Variants in ARRDC3 observed in about 807,000 individuals in gnomAD.
ARRDC3 encodes the protein arrestin domain-containing protein 3.
In ARRDC3, 10 loss-of-function variants were observed where a neutral mutation model predicts 47.2. The observed-to-expected ratio is 0.21, with a 90% CI of 0.13 to 0.36. ARRDC3 has a LOEUF of 0.36. Among genes scored for constraint, ARRDC3 ranks in the 10% least tolerant of loss-of-function variants. The pLI is 1.00. For synonymous variants in ARRDC3, 156 were observed against 178.3 expected (o/e 0.87, Z 1.00); for missense variants, 381 against 503.6 (o/e 0.76, Z 2.33).
chr5:91,376,727 C>T lies in ARRDC3; in HGVS notation c.404G>A (p.Arg135His), dbSNP rs377260429. ...GTGCAATTCGGCTTTCACCCAATAG[C>T]GCACACTGCCATGTCGGCCTTCGAA... ...TSFEGRHGSV[R>H]YWVKAELHRP... The change falls in exon 3 of 8, where the codon CGC (arginine) becomes CAC (histidine). Residue 135 changes from arginine to histidine, a missense_variant. Coordinates refer to ENST00000265138, the MANE Select transcript of ARRDC3 (RefSeq NM_020801.4). 1.5e-5 allele frequency: 25 copies of T among 1,613,804 alleles called. No individual in the cohort carries two copies. Among genetic ancestry groups the T allele is most frequent in the Non-Finnish European group, 2.0e-5 (24 of 1,179,916 alleles).
At chr5:91,379,137 TTGC>T in intron 1 of ARRDC3, among the ~76,000 whole-genome samples, 1 of 152,096 alleles carries the variant, frequency 6.6e-6, no homozygotes, top group African/African-American at 2.4e-5. Flanking sequence ...CTCCAACGGT[TTGC>T]TTAAATTTAT....
intron 1 of ARRDC3, chr5:91,380,872 A>T (rs1237463420): frequency 6.6e-6 from 1 of 152,288 alleles, no homozygotes; most frequent in Non-Finnish European, 1.5e-5. Context: ...AAGAGGGGCG[A>T]CAGAACATGA....
rs1180475056 is a variant in ARRDC3 at position 91,369,231 on chromosome 5, A to ATG, written c.*2168_*2169insCA. The stretch of plus-strand genomic sequence containing the variant: ...AAGTATTCCAATGCTATGCATATCA[A>ATG]CAATTGTTCCCTAGTCAGTTAGACG... On this transcript the variant is annotated 3_prime_UTR_variant, in exon 8 of 8. Coordinates refer to ENST00000265138, the MANE Select transcript of ARRDC3 (RefSeq NM_020801.4). The ATG allele has an allele frequency of 6.6e-6, 1 of 152,612 alleles. No individual in the cohort carries two copies. Among genetic ancestry groups the ATG allele is most frequent in the Admixed American group, 6.5e-5 (1 of 15,268 alleles). 9.5% of individuals were successfully genotyped at this position (152,612 alleles called of 1,614,324 possible).
intron 2 of ARRDC3, among the ~76,000 whole-genome samples, 176 bp downstream of exon 2, chr5:91,378,518 C>T (rs1049294625): frequency 1.3e-5 from 2 of 151,964 alleles, no homozygotes; most frequent in Non-Finnish European, 1.5e-5. Context: ...ATAATTTTGC[C>T]ACGCTAGATT....
intron 5 of ARRDC3, 133 bp from the exon 6 acceptor site, chr5:91,374,409 T>G: frequency 1.3e-6 from 1 of 745,048 alleles, no homozygotes; most frequent in Non-Finnish European, 2.2e-6. Flanking sequence ...GAAAAGTTTC[T>G]CTTTTATGTA....
intron 7 of ARRDC3, among the ~76,000 whole-genome samples, chr5:91,372,667 A>T (rs893509434): frequency 3.3e-5 from 5 of 152,220 alleles, no homozygotes; most frequent in African/African-American, 1.2e-4. Context: ...TGAATGAAGA[A>T]GATCTCATAT....
In ARRDC3 at chr5:91,378,721, T is replaced by G. The variant is rs1799365185; in HGVS notation, c.335A>C (p.Tyr112Ser). The G allele has an allele frequency of 6.2e-7, 1 of 1,600,080 alleles. No individual in the cohort carries two copies. The highest frequency in any genetic ancestry group is 2.2e-5 in the East Asian group (1 of 44,454). ...CTGTGGAAGCTCGAAGCTGAATGCA[T>G]ATTCATGCCTTCCTGAATGAATAGT... ...FHTIHSGRHE[Y>S]AFSFELPQTP... The change falls in exon 2 of 8, where the codon TAT becomes TCT. Residue 112 changes from tyrosine (Y) to serine (S), a missense_variant. Physicochemically the swap from Tyr to Ser is moderately radical, Grantham distance 144. Coordinates refer to ENST00000265138, the MANE Select transcript of ARRDC3 (RefSeq NM_020801.4).
intron 1 of ARRDC3, among the ~76,000 whole-genome samples, chr5:91,382,197 C>T (rs905475223): frequency 3.9e-5 from 6 of 152,100 alleles, no homozygotes; most frequent in Non-Finnish European, 5.9e-5. Flanking sequence ...GACAGATAGT[C>T]ATTCCTTTAA....
intron 2 of ARRDC3, 44 bp downstream of exon 2, chr5:91,378,650 G>T: frequency 9.3e-7 from 1 of 1,077,754 alleles, no homozygotes; most frequent in Non-Finnish European, 1.4e-6. Context: ...ATAATGCTCT[G>T]ATCATAAGTA....
intron 1 of ARRDC3, among the ~76,000 whole-genome samples, chr5:91,382,104 G>T (rs1799469927): frequency 6.6e-6 from 1 of 152,152 alleles, no homozygotes; most frequent in South Asian, 2.1e-4. Context: ...TTGAATGCAC[G>T]TTCCAAAGTT....
intron 1 of ARRDC3, among the ~76,000 whole-genome samples, chr5:91,381,248 C>T (rs1358325195): frequency 6.6e-6 from 1 of 152,138 alleles, no homozygotes; most frequent in African/African-American, 2.4e-5. Context: ...TTTTCTTTAC[C>T]ACGAAATCAT....
intron 2 of ARRDC3, among the ~76,000 whole-genome samples, chr5:91,378,396 G>A (rs1799354654): frequency 1.3e-5 from 2 of 151,980 alleles, no homozygotes; most frequent in African/African-American, 2.4e-5. Flanking sequence ...GTATAAAGTG[G>A]TTATTATTCG....
chr5:91,378,151 G>C (rs1799349287), intron 2 of ARRDC3, among the ~76,000 whole-genome samples: 1 of 151,644 alleles, frequency 6.6e-6, no homozygotes, highest in Non-Finnish European at 1.5e-5. Context: ...TTTAAGCCTG[G>C]GTCATATCTC....
rs1461875484 is a variant in ARRDC3, at chr5:91,370,030, T to C, written c.*1370A>G. On this transcript the variant is annotated 3_prime_UTR_variant, in exon 8 of 8. Transcript: ENST00000265138. ...AAAAGATTTATCGCAGCAAACGTTC[T>C]AGTATTTTAAATTTTGAAGTTACTT... 5 of 152,196 alleles carry C rather than the reference T, an allele frequency of 3.3e-5. No individual in the cohort carries two copies. The highest frequency in any genetic ancestry group is 7.4e-5 in the Non-Finnish European group (5 of 68,024). 9.4% of individuals were successfully genotyped at this position (152,196 alleles called of 1,614,324 possible).
intron 1 of ARRDC3, among the ~76,000 whole-genome samples, chr5:91,379,271 A>G (rs1313440214): frequency 1.4e-5 from 2 of 147,806 alleles, no homozygotes; most frequent in Non-Finnish European, 1.5e-5. Flanking sequence ...ACCACTAGAA[A>G]ACCTTGTCAA....
rs1049949622 is a variant in ARRDC3, at chr5:91,368,724, T to C, written c.*2676A>G. 6.6e-6 allele frequency: 1 copy of C among 152,396 alleles called. No individual in the cohort carries two copies. The highest frequency in any genetic ancestry group is 2.4e-5 in the African/African-American group (1 of 41,396). The allele number at this position is 152,396 out of a possible 1,614,324, so 9.4% of individuals were successfully genotyped here. ...AAGATTCAAATAAATCTCCAAACAATTATACAAAACAGAAAAAAACAAAAC... is the reference window on the plus strand; with the variant it reads ...AAGATTCAAATAAATCTCCAAACAACTATACAAAACAGAAAAAAACAAAAC... On this transcript the variant is annotated 3_prime_UTR_variant, in exon 8 of 8. Coordinates refer to ENST00000265138, the MANE Select transcript of ARRDC3 (RefSeq NM_020801.4).
rs1338037716 is a variant in ARRDC3, at chr5:91,368,856, G to C, written c.*2544C>G. On this transcript the variant is annotated 3_prime_UTR_variant, in exon 8 of 8. Transcript: ENST00000265138. ...GACATATTCAGCACCAAATAAAAAAGGAAAAAAAGAGAAATTACAAACAGC... is the reference window on the plus strand; with the variant it reads ...GACATATTCAGCACCAAATAAAAAACGAAAAAAAGAGAAATTACAAACAGC... 3 of 152,194 alleles carry C rather than the reference G, an allele frequency of 2.0e-5. No individual in the cohort carries two copies. Among genetic ancestry groups the C allele is most frequent in the South Asian group, 4.1e-4 (2 of 4,824 alleles). The allele number at this position is 152,194 out of a possible 1,614,324, so 9.4% of individuals were successfully genotyped here. A position where few individuals can be genotyped will look rare whatever the true frequency, so the allele number is the denominator to read the frequency against.
Position 91,374,214 on chromosome 5 carries a change from G to A in ARRDC3, c.933C>T (p.Thr311=), listed in dbSNP as rs1373071948. 6.2e-7 allele frequency: 1 copy of A among 1,613,900 alleles called. No homozygotes were observed. The highest frequency in any genetic ancestry group is 1.7e-5 in the Admixed American group (1 of 60,020). ...LFLNLPLVIG[T]IPLHPFGSRT... ...TGCTACCAAATGGATGTAGAGGAAT[G>A]GTACCGATGACAAGTGGCAAATTAA... The change falls in exon 6 of 8, where the codon ACC becomes ACT. Residue 311 remains threonine (T), a synonymous_variant. Transcript: ENST00000265138.
intron 2 of ARRDC3, among the ~76,000 whole-genome samples, chr5:91,377,921 G>A (rs1799343284): frequency 6.6e-6 from 1 of 151,980 alleles, no homozygotes; most frequent in South Asian, 2.1e-4. Context: ...ATGTACATTT[G>A]TCACCTGACA....
Sources: gnomAD v4.1 joint callset for allele counts (sites outside exome capture counted in the v4.1 genomes callset) on GRCh38, gnomAD v4.1.1 for gene constraint, MANE v1.5 for transcripts, NCBI Gene and HGNC (gene_info 2026-07-23, HGNC 2026-07-21) for gene names.